Variants in STAMBP observed in about 807,000 individuals in gnomAD.
STAMBP encodes STAM binding protein, also known as STAM-binding protein.
In STAMBP, 31 loss-of-function variants were observed where a neutral mutation model predicts 50.7. That is an observed-to-expected ratio of 0.61 (90% CI 0.46 to 0.83). The LOEUF is 0.83. Among genes scored for constraint, STAMBP ranks in the 40% least tolerant of loss-of-function variants. STAMBP has a pLI of 0.00. For synonymous variants in STAMBP, 211 were observed against 192.4 expected, an observed-to-expected ratio of 1.10 and a Z score of -0.80; for missense variants, 472 against 518.9, an observed-to-expected ratio of 0.91 and a Z score of 0.88.
Position 73,847,709 on chromosome 2 carries a change from T to G in STAMBP, c.698T>G (p.Val233Gly). The G allele has an allele frequency of 6.2e-7, 1 of 1,614,122 alleles. No individual in the cohort carries two copies. Among genetic ancestry groups the G allele is most frequent in the Non-Finnish European group, 8.5e-7 (1 of 1,179,990 alleles). The change falls in exon 5 of 10, where the codon GTG (valine) becomes GGG (glycine). Residue 233 changes from valine (V) to glycine (G), a missense_variant. Coordinates refer to ENST00000394070, the MANE Select transcript of STAMBP (RefSeq NM_213622.4). ...TTVRPAKPPV[V>G]DRSLKPGALS... Reference sequence around the variant, plus strand: ...GTAAGGCCAGCTAAGCCACCTGTGGTGGACAGGTCCTTGAAACCTGGAGCA... The same window carrying G: ...GTAAGGCCAGCTAAGCCACCTGTGGGGGACAGGTCCTTGAAACCTGGAGCA...
intron 4 of STAMBP, 144 bp from the exon 5 acceptor site, chr2:73,847,243 C>T (rs760116079): frequency 1.2e-5 from 12 of 1,013,606 alleles, no homozygotes; most frequent in Non-Finnish European, 1.7e-5. Context: ...TATAAAGATA[C>T]TGAGGAAAGC....
chr2:73,868,118 C>CT (rs1274140457), downstream of STAMBP, among the ~76,000 whole-genome samples: 35 of 134,090 alleles, frequency 2.6e-4, 1 homozygote, highest in African/African-American at 1.0e-3. Context: ...GAGCAAAACT[C>CT]TGTCTCAAAA....
At chr2:73,834,266 T>C (rs2761253) in intron 2 of STAMBP, among the ~76,000 whole-genome samples, 1 of 84,822 alleles carries the variant, frequency 1.2e-5, no homozygotes, top group Admixed American at 1.3e-4. Flanking sequence ...TATATATATA[T>C]ATATATATAT....
Position 73,849,334 on chromosome 2 carries a change from C to T in STAMBP, c.743-29C>T, listed in dbSNP as rs199627132. ...GCTTGAGGAGGCAGGGCTCAGTGGT[C>T]GCAGACTATTCTCCTTTCTCCTTTA... On this transcript the variant is annotated intron_variant, in intron 5 of 9. Coordinates refer to ENST00000394070, the MANE Select transcript of STAMBP (RefSeq NM_213622.4). 4.3e-5 allele frequency: 69 copies of T among 1,612,290 alleles called. No homozygotes were observed. In the African/African-American group the frequency reaches 7.4e-4, roughly 17 times the overall value.
At chr2:73,832,460 CAAA>C (rs76931812) in intron 2 of STAMBP, among the ~76,000 whole-genome samples, 3 of 122,654 alleles carry the variant, frequency 2.4e-5, no homozygotes, top group African/African-American at 8.8e-5. Context: ...GAGACTGTTT[CAAA>C]AAAAAAAAAA....
intron 2 of STAMBP, among the ~76,000 whole-genome samples, chr2:73,832,893 G>A (rs1267041672): frequency 6.6e-6 from 1 of 152,208 alleles, no homozygotes. Flanking sequence ...TATTGTAATT[G>A]TAGAGTGGAG....
intron 7 of STAMBP, among the ~76,000 whole-genome samples, chr2:73,858,110 G>A (rs1023473857): frequency 4.0e-5 from 6 of 149,262 alleles, no homozygotes; most frequent in Non-Finnish European, 5.9e-5. Flanking sequence ...AACCTCCTAA[G>A]TAGCTGGGAC....
At chr2:73,860,336 T>C (rs1376870131) in intron 9 of STAMBP, among the ~76,000 whole-genome samples, 185 bp downstream of exon 9, 1 of 152,212 alleles carries the variant, frequency 6.6e-6, no homozygotes, top group East Asian at 1.9e-4. Context: ...GAATCTTAGC[T>C]TTGCCACTGT....
chr2:73,860,195 G>T (rs575484563), intron 9 of STAMBP, 44 bp downstream of exon 9: 2 of 1,526,494 alleles, frequency 1.3e-6, no homozygotes, highest in Non-Finnish European at 1.8e-6. Context: ...CTTCAAGCAG[G>T]GAGGACAGTC....
chr2:73,847,258 A>T lies in STAMBP; in HGVS notation c.376-129A>T, dbSNP rs534866898. 231 of 1,171,142 alleles carry T rather than the reference A, an allele frequency of 2.0e-4. 1 individual carries two copies. Among genetic ancestry groups the T allele is most frequent in the Middle Eastern group, 2.6e-4 (1 of 3,802 alleles). The allele number at this position is 1,171,142 out of a possible 1,614,324, so 72.5% of individuals were successfully genotyped here. A position where few individuals can be genotyped will look rare whatever the true frequency, so the allele number is the denominator to read the frequency against. ...TATAAAGATACTGAGGAAAGCATGA[A>T]TTCTGTGTTAGGTAATCAGGCCACA... is the stretch of plus-strand genomic sequence containing the variant. On this transcript the variant is annotated intron_variant, in intron 4 of 9. Transcript: ENST00000394070.
chr2:73,864,549 G>A lies in STAMBP; in HGVS notation c.*2290G>A, dbSNP rs1240621992. 6.6e-6 allele frequency: 1 copy of A among 152,494 alleles called. No homozygotes were observed. The highest frequency in any genetic ancestry group is 2.4e-5 in the African/African-American group (1 of 41,456). 9.4% of individuals were successfully genotyped at this position (152,494 alleles called of 1,614,324 possible). ...GATAGGCCGGAGAGAAAGAGGAGTAGCCAGAGCGGTCGGGAAAAGAGGAAA... is the reference window on the plus strand; with the variant it reads ...GATAGGCCGGAGAGAAAGAGGAGTAACCAGAGCGGTCGGGAAAAGAGGAAA... On this transcript the variant is annotated 3_prime_UTR_variant, in exon 10 of 10. Transcript: ENST00000394070.
At position 73,844,806 on chromosome 2, in the gene STAMBP, T is replaced by A; in HGVS notation, c.204-7T>A. On this transcript the variant is annotated splice_polypyrimidine_tract_variant and splice_region_variant and intron_variant, in intron 2 of 9. Transcript: ENST00000394070. ...TGCTTCATAATCATTTTGAACTGTT[T>A]CCTTAGGCTCTTTATTGAGAAACTA... is the stretch of plus-strand genomic sequence containing the variant. 6.2e-7 allele frequency: 1 copy of A among 1,612,468 alleles called. No individual in the cohort carries two copies. Among genetic ancestry groups the A allele is most frequent in the Non-Finnish European group, 8.5e-7 (1 of 1,178,674 alleles).
At chr2:73,857,787 A>G (rs1677747245) in intron 7 of STAMBP, among the ~76,000 whole-genome samples, 2 of 152,022 alleles carry the variant, frequency 1.3e-5, no homozygotes, top group Admixed American at 1.3e-4. Flanking sequence ...CTGAAGTGGA[A>G]TCTCCCCCAC....
intron 7 of STAMBP, among the ~76,000 whole-genome samples, chr2:73,856,533 A>C (rs1166421836): frequency 6.6e-6 from 1 of 152,242 alleles, no homozygotes; most frequent in Non-Finnish European, 1.5e-5. Context: ...AGAGAGAAAC[A>C]CTTCTTAGAG....
At position 73,850,836 on chromosome 2, in the gene STAMBP, G is replaced by A. The variant is rs972173629; in HGVS notation, c.1005+323G>A. On this transcript the variant is annotated intron_variant, in intron 7 of 9. Transcript: ENST00000394070. The surrounding 1 kb of genome is among the most constrained non-coding windows in gnomAD (Gnocchi z 4.3). The stretch of plus-strand genomic sequence containing the variant: ...AGTGGACATTGACCTTAGAGACTAT[G>A]CCTACTGTGTACAGATGATGTTCCT... 1.3e-5 allele frequency among the ~76,000 whole-genome samples: 2 copies of A among 152,172 alleles called. No homozygotes were observed. The highest frequency in any genetic ancestry group is 2.4e-5 in the African/African-American group (1 of 41,442).
intron 2 of STAMBP, among the ~76,000 whole-genome samples, chr2:73,842,100 T>C (rs1675467210): frequency 6.6e-6 from 1 of 151,504 alleles, no homozygotes. Flanking sequence ...CTCATTTCTG[T>C]GTATACTTCC....
At chr2:73,847,946 G>T (rs2104509606) in intron 5 of STAMBP, among the ~76,000 whole-genome samples, 193 bp downstream of exon 5, 1 of 152,264 alleles carries the variant, frequency 6.6e-6, no homozygotes, top group East Asian at 1.9e-4. Context: ...CTGAAACCTA[G>T]TCTGGTCGAT....
intron 7 of STAMBP, among the ~76,000 whole-genome samples, chr2:73,851,388 TAAA>T (rs936109268): frequency 3.3e-5 from 5 of 152,212 alleles, no homozygotes; most frequent in Non-Finnish European, 5.9e-5. Context: ...GGAGATTAAA[TAAA>T]TAGACAATTA....
At position 73,830,980 on chromosome 2, in the gene STAMBP, G is replaced by A. The variant is rs1299218118; in HGVS notation, c.124G>A (p.Glu42Lys). 3 of 1,614,220 alleles carry A rather than the reference G, an allele frequency of 1.9e-6. No homozygotes were observed. Among genetic ancestry groups the A allele is most frequent in the Non-Finnish European group, 1.7e-6 (2 of 1,180,042 alleles). The change falls in exon 2 of 10, where the codon GAG becomes AAG. Residue 42 changes from glutamate to lysine, a missense_variant. Physicochemically the swap from Glu to Lys is moderately conservative, Grantham distance 56 (BLOSUM62 1). Coordinates refer to ENST00000394070, the MANE Select transcript of STAMBP (RefSeq NM_213622.4). ...PPRRYFRSGVEIIRMASIYSE... is the reference protein window; with the variant it reads ...PPRRYFRSGVKIIRMASIYSE... ...CCGTCGGTACTTCCGCTCTGGAGTT[G>A]AGATTATCCGAATGGCATCCATTTA...
Sources: allele counts gnomAD v4.1 joint callset (sites outside exome capture counted in the v4.1 genomes callset), GRCh38; gene constraint gnomAD v4.1.1; non-coding constraint Gnocchi (gnomAD v3.1); transcripts MANE v1.5; gene names NCBI Gene and HGNC (gene_info 2026-07-23, HGNC 2026-07-21).